The following RBFOX3 variants were observed in gnomAD, a reference collection of about 807,000 sequenced individuals.
The protein encoded by RBFOX3 is RNA binding protein fox-1 homolog 3.
A neutral mutation model predicts 48.7 loss-of-function variants in RBFOX3; 17 were observed. The ratio of observed to expected loss-of-function variants is 0.35; its 90% CI spans 0.24 to 0.52. The LOEUF is 0.52. Among genes scored for constraint, RBFOX3 ranks in the 20% least tolerant of loss-of-function variants. The pLI is 0.94. For missense variants in RBFOX3, 382 were observed against 497.5 expected (o/e 0.77, Z 2.21); for synonymous variants, 212 against 209.5 (o/e 1.01, Z -0.10).
At chr17:79,124,133 G>A (rs1473047782) in intron 4 of RBFOX3, among the ~76,000 whole-genome samples, 1 of 152,236 alleles carries the variant, frequency 6.6e-6, no homozygotes, top group Non-Finnish European at 1.5e-5. Context: ...ACAACTCCAG[G>A]TCTAGTGACC....
At chr17:79,507,100 C>G (rs1266732884) in intron 1 of RBFOX3, among the ~76,000 whole-genome samples, 2 of 152,080 alleles carry the variant, frequency 1.3e-5, no homozygotes, top group Non-Finnish European at 2.9e-5. Flanking sequence ...GCCGGAGGGC[C>G]TGGTGGTGAT....
intron 3 of RBFOX3, among the ~76,000 whole-genome samples, chr17:79,287,598 C>T (rs2072250153): frequency 6.6e-6 from 1 of 152,200 alleles, no homozygotes; most frequent in Non-Finnish European, 1.5e-5. Flanking sequence ...GACCGGCCAA[C>T]AGGCAGCTGG....
At chr17:79,398,899 T>A (rs11077436) in intron 2 of RBFOX3, among the ~76,000 whole-genome samples, 2 of 152,160 alleles carry the variant, frequency 1.3e-5, no homozygotes, top group Admixed American at 6.5e-5. Context: ...GTGAACGAGA[T>A]CTTCTTTGGA....
At chr17:79,612,839 C>T (rs1413448260), upstream of RBFOX3, among the ~76,000 whole-genome samples, 1 of 152,228 alleles carries the variant, frequency 6.6e-6, no homozygotes, top group Non-Finnish European at 1.5e-5. Flanking sequence ...TGGCAGGCAC[C>T]TGTCTCCCTG....
At chr17:79,248,960 C>G (rs190762458) in intron 3 of RBFOX3, among the ~76,000 whole-genome samples, 261 of 152,346 alleles carry the variant, frequency 1.7e-3, no homozygotes, top group African/African-American at 6.0e-3. Flanking sequence ...GGAGGGCCCC[C>G]GCCTGCCACT....
At chr17:79,134,341 G>T (rs1006622823) in intron 4 of RBFOX3, among the ~76,000 whole-genome samples, 8 of 152,282 alleles carry the variant, frequency 5.3e-5, no homozygotes, top group African/African-American at 1.9e-4. Flanking sequence ...CATCACTTGG[G>T]ATCAGTCCCC....
intron 2 of RBFOX3, among the ~76,000 whole-genome samples, chr17:79,385,488 G>A (rs1214014630): frequency 6.6e-6 from 1 of 152,106 alleles, no homozygotes; most frequent in Non-Finnish European, 1.5e-5. Context: ...CTGCCAGGCA[G>A]GAGGGGCTGT....
At chr17:79,273,867 C>T (rs1405551219) in intron 3 of RBFOX3, among the ~76,000 whole-genome samples, 2 of 152,338 alleles carry the variant, frequency 1.3e-5, no homozygotes, top group East Asian at 3.9e-4. Context: ...GAGGAACCTT[C>T]TGCCAAGAAG....
intron 1 of RBFOX3, among the ~76,000 whole-genome samples, chr17:79,575,178 G>A (rs1051458853): frequency 5.3e-5 from 8 of 152,352 alleles, no homozygotes; most frequent in East Asian, 1.9e-4. Context: ...GAGGAAAGGC[G>A]CTGGTTCAAC....
intron 4 of RBFOX3, among the ~76,000 whole-genome samples, chr17:79,224,754 C>T (rs891882560): frequency 6.6e-6 from 1 of 152,210 alleles, no homozygotes; most frequent in Non-Finnish European, 1.5e-5. Context: ...GTCATCTGGT[C>T]ACTCTAATTG....
At chr17:79,315,682 G>A (rs1346746840) in intron 2 of RBFOX3, among the ~76,000 whole-genome samples, 1 of 152,264 alleles carries the variant, frequency 6.6e-6, no homozygotes, top group African/African-American at 2.4e-5. Context: ...CCCCTCTGTG[G>A]TCGACAGCGA....
intron 2 of RBFOX3, among the ~76,000 whole-genome samples, chr17:79,373,124 G>A (rs1404307621): frequency 6.6e-6 from 1 of 152,156 alleles, no homozygotes; most frequent in Non-Finnish European, 1.5e-5. Context: ...GACGGCAGGG[G>A]AGCAGGTTGA....
rs549279958 is a variant in RBFOX3, at chr17:79,358,677, T to C, written c.-174-50853A>G. ...GGTTTCACCATGTTGGCCAGGCTGG[T>C]CTCGAACTCCTGACCTCAGGTGATC... On this transcript the variant is annotated intron_variant, in intron 2 of 14. Transcript: ENST00000693108. Among the ~76,000 whole-genome samples, 4 of 152,180 alleles carry C rather than the reference T, an allele frequency of 2.6e-5. No homozygotes were observed. The East Asian group carries it at 7.8e-4, about 30-fold the overall frequency.
chr17:79,630,605 T>C, the RBFOX3 span, among the ~76,000 whole-genome samples: 2 of 152,218 alleles, frequency 1.3e-5, no homozygotes, highest in East Asian at 3.9e-4. Context: ...CCAACCCTCA[T>C]CAGGGGCTTC....
intron 1 of RBFOX3, among the ~76,000 whole-genome samples, chr17:79,525,881 G>A (rs1022085972): frequency 2.6e-5 from 4 of 152,166 alleles, no homozygotes; most frequent in African/African-American, 7.2e-5. Context: ...GATGGGAATC[G>A]CTGACCTACA....
intron 1 of RBFOX3, among the ~76,000 whole-genome samples, chr17:79,580,642 GT>G (rs2093028932): frequency 6.6e-6 from 1 of 151,942 alleles, no homozygotes; most frequent in African/African-American, 2.4e-5. Context: ...TTAGAGCAAA[GT>G]TTTTTTTGCT....
chr17:79,407,491 A>C (rs1237071536), intron 2 of RBFOX3, among the ~76,000 whole-genome samples: 1 of 152,246 alleles, frequency 6.6e-6, no homozygotes, highest in Non-Finnish European at 1.5e-5. Flanking sequence ...TCTTCATTGA[A>C]GTGCTGTGAG....
intron 14 of RBFOX3, among the ~76,000 whole-genome samples, chr17:79,093,434 G>A (rs1023612800): frequency 6.6e-6 from 1 of 151,996 alleles, no homozygotes; most frequent in Non-Finnish European, 1.5e-5. Context: ...TGCACGGAGG[G>A]CCCAAGAGCC....
At chr17:79,616,584 C>CACAT in the RBFOX3 span, among the ~76,000 whole-genome samples, 1 of 147,610 alleles carries the variant, frequency 6.8e-6, no homozygotes, top group African/African-American at 2.5e-5. Flanking sequence ...TCTATACAAA[C>CACAT]ACACACACAC....
Sources: allele counts gnomAD v4.1 joint callset (sites outside exome capture counted in the v4.1 genomes callset), GRCh38; gene constraint gnomAD v4.1.1; transcripts MANE v1.5; gene names NCBI Gene and HGNC (gene_info 2026-07-23, HGNC 2026-07-21).